The following DCUN1D3 variants were observed in gnomAD, a reference collection of about 807,000 sequenced individuals.
DCUN1D3 encodes the protein defective in cullin neddylation 1 domain containing 3.
In DCUN1D3, 6 loss-of-function variants were observed where a neutral mutation model predicts 24.8. The observed-to-expected ratio is 0.24, with a 90% CI of 0.13 to 0.48. The LOEUF is 0.48. Ranked by LOEUF, DCUN1D3 falls within the 20% of genes least tolerant of loss-of-function variation. The pLI is 0.99. For missense variants in DCUN1D3, 258 were observed against 379.4 expected (o/e 0.68, Z 2.66); for synonymous variants, 120 against 144.9 (o/e 0.83, Z 1.24).
intron 1 of DCUN1D3, among the ~76,000 whole-genome samples, chr16:20,878,992 T>C (rs769918656): frequency 6.6e-5 from 10 of 152,154 alleles, no homozygotes; most frequent in Non-Finnish European, 4.4e-5. Flanking sequence ...TGCTTAACCA[T>C]GTGAAACAGC....
chr16:20,866,458 T>C (rs536937894), intron 1 of DCUN1D3, among the ~76,000 whole-genome samples: 1 of 152,218 alleles, frequency 6.6e-6, no homozygotes, highest in South Asian at 2.1e-4. Flanking sequence ...CCGCCCCCAC[T>C]GGACAGATGC....
intron 1 of DCUN1D3, among the ~76,000 whole-genome samples, chr16:20,878,649 A>G (rs2081827860): frequency 6.6e-6 from 1 of 152,220 alleles, no homozygotes; most frequent in Non-Finnish European, 1.5e-5. Flanking sequence ...AATACTGCAT[A>G]CTACTTGCTT....
intron 1 of DCUN1D3, among the ~76,000 whole-genome samples, chr16:20,888,515 G>A (rs2081877243): frequency 6.6e-6 from 1 of 152,190 alleles, no homozygotes; most frequent in African/African-American, 2.4e-5. Flanking sequence ...ATGGAGTGCA[G>A]TGACACGATC....
chr16:20,872,436 G>A lies in DCUN1D3; in HGVS notation c.-105-9793C>T, dbSNP rs567891082. ...TCTAAGTAGGCCTCAGGTTCACCAC[G>A]TGGTAACCAATCAACCTCTTAATGT... On this transcript the variant is annotated intron_variant, in intron 1 of 2. Transcript: ENST00000324344. Among the ~76,000 whole-genome samples, 8 of 150,980 alleles carry A rather than the reference G, an allele frequency of 5.3e-5. No homozygotes were observed. In the East Asian group the frequency reaches 9.7e-4, roughly 18 times the overall value.
At chr16:20,876,413 A>G (rs967112168) in intron 1 of DCUN1D3, among the ~76,000 whole-genome samples, 1 of 144,830 alleles carries the variant, frequency 6.9e-6, no homozygotes, top group African/African-American at 2.6e-5. Flanking sequence ...ATATTATCTC[A>G]CCCCAGTTAA....
At chr16:20,873,190 G>C (rs1455315578) in intron 1 of DCUN1D3, among the ~76,000 whole-genome samples, 1 of 151,620 alleles carries the variant, frequency 6.6e-6, no homozygotes, top group Non-Finnish European at 1.5e-5. Context: ...TTTTAAGGAA[G>C]TGTTTTTAAA....
intron 1 of DCUN1D3, among the ~76,000 whole-genome samples, chr16:20,886,903 A>G (rs2081870190): frequency 6.6e-6 from 1 of 152,338 alleles, no homozygotes; most frequent in East Asian, 1.9e-4. Context: ...GAGATCTGGA[A>G]ACTAAATTGG....
chr16:20,878,068 C>T (rs575578692), intron 1 of DCUN1D3, among the ~76,000 whole-genome samples: 1 of 152,282 alleles, frequency 6.6e-6, no homozygotes, highest in South Asian at 2.1e-4. Flanking sequence ...TCCCAAAGCA[C>T]TTGGTTTATG....
intron 1 of DCUN1D3, among the ~76,000 whole-genome samples, chr16:20,882,438 A>ATT (rs1567428056): frequency 6.6e-6 from 1 of 150,980 alleles, no homozygotes; most frequent in African/African-American, 2.4e-5. Context: ...ATATATATAT[A>ATT]TTTTTTAGTA....
chr16:20,868,645 T>C (rs1469204552), intron 1 of DCUN1D3, among the ~76,000 whole-genome samples: 2 of 152,196 alleles, frequency 1.3e-5, no homozygotes, highest in East Asian at 3.9e-4. Flanking sequence ...GACAGAATCG[T>C]CTCCCTTCTC....
At position 20,866,565 on chromosome 16, in the gene DCUN1D3, A is replaced by T. The variant is rs74889957; in HGVS notation, c.-105-3922T>A. Among the ~76,000 whole-genome samples, 439 of 152,356 alleles carry T rather than the reference A, an allele frequency of 2.9e-3. 5 individuals are homozygous for T. Among genetic ancestry groups the T allele is most frequent in the African/African-American group, 0.01 (418 of 41,588 alleles). ...AAAGAGGCCCTAATCCCATTGAGCCAACCAGCCCTCCATGTAAGAGTATCT... is the reference window on the plus strand; with the variant it reads ...AAAGAGGCCCTAATCCCATTGAGCCTACCAGCCCTCCATGTAAGAGTATCT... On this transcript the variant is annotated intron_variant, in intron 1 of 2. Transcript: ENST00000324344.
At chr16:20,867,964 G>C (rs1428478465) in intron 1 of DCUN1D3, among the ~76,000 whole-genome samples, 1 of 152,244 alleles carries the variant, frequency 6.6e-6, no homozygotes, top group Non-Finnish European at 1.5e-5. Context: ...AAATCAAGCT[G>C]AGTATCTGCT....
intron 1 of DCUN1D3, among the ~76,000 whole-genome samples, chr16:20,869,633 G>A (rs932485561): frequency 6.6e-6 from 1 of 152,200 alleles, no homozygotes; most frequent in African/African-American, 2.4e-5. Flanking sequence ...GGAGGAGGGA[G>A]AGGGTTGATA....
At chr16:20,879,006 C>G (rs1049144274) in intron 1 of DCUN1D3, among the ~76,000 whole-genome samples, 4 of 152,160 alleles carry the variant, frequency 2.6e-5, no homozygotes, top group Non-Finnish European at 5.9e-5. Context: ...AAACAGCCAG[C>G]TCTTACTCTG....
chr16:20,880,604 CAAAAAAAAAA>C (rs34275241), intron 1 of DCUN1D3, among the ~76,000 whole-genome samples: 4 of 51,924 alleles, frequency 7.7e-5, no homozygotes, highest in African/African-American at 3.7e-4. Flanking sequence ...GACCCTGTCT[CAAAAAAAAAA>C]AAAAAAAAAA....
chr16:20,880,516 G>A (rs1236400399), intron 1 of DCUN1D3, among the ~76,000 whole-genome samples: 1 of 141,278 alleles, frequency 7.1e-6, no homozygotes, highest in East Asian at 2.1e-4. Flanking sequence ...GAGATAGGAG[G>A]ATCCCTTGGG....
intron 1 of DCUN1D3, among the ~76,000 whole-genome samples, chr16:20,879,339 T>A (rs775420236): frequency 1.3e-5 from 2 of 152,166 alleles, no homozygotes; most frequent in African/African-American, 4.8e-5. Flanking sequence ...AAAACCAAAC[T>A]GATACCCCTC....
intron 1 of DCUN1D3, among the ~76,000 whole-genome samples, chr16:20,893,872 T>C (rs2152519199): frequency 6.6e-6 from 1 of 152,336 alleles, no homozygotes; most frequent in South Asian, 2.1e-4. Context: ...ACTAATCCAC[T>C]TTAAGCAAAC....
intron 1 of DCUN1D3, 88 bp downstream of exon 1, chr16:20,900,116 C>A (rs1222676477): frequency 2.8e-5 from 4 of 144,640 alleles, no homozygotes; most frequent in African/African-American, 5.1e-5. Context: ...CTTTCCACCC[C>A]CCTTTCTCGA....
Sources: gnomAD v4.1 joint callset for allele counts (sites outside exome capture counted in the v4.1 genomes callset) on GRCh38, gnomAD v4.1.1 for gene constraint, MANE v1.5 for transcripts, NCBI Gene and HGNC (gene_info 2026-07-23, HGNC 2026-07-21) for gene names.